KCNJ3: variants seen among roughly 807,000 people sequenced by gnomAD.
KCNJ3 encodes potassium inwardly rectifying channel subfamily J member 3.
Under a neutral mutation model 39.2 loss-of-function variants are expected in KCNJ3, and 4 were observed. That is an observed-to-expected ratio of 0.10 (90% CI 0.05 to 0.23). The LOEUF is 0.23. Among genes scored for constraint, KCNJ3 ranks in the 10% least tolerant of loss-of-function variants. KCNJ3 has a pLI of 1.00. For synonymous variants in KCNJ3, 230 were observed against 237.4 expected (o/e 0.97, Z 0.29); for missense variants, 276 against 634.9 (o/e 0.43, Z 6.08).
Position 154,751,004 on chromosome 2 carries a change from T to C in KCNJ3, c.919+41185T>C, listed in dbSNP as rs568955640. 4.3e-4 allele frequency among the ~76,000 whole-genome samples: 66 copies of C among 152,068 alleles called. 1 individual carries two copies. The South Asian group carries it at 0.013, about 30-fold the overall frequency. On this transcript the variant is annotated intron_variant, in intron 2 of 2. Coordinates refer to ENST00000295101, the MANE Select transcript of KCNJ3 (RefSeq NM_002239.4). The stretch of plus-strand genomic sequence containing the variant: ...CGTTATCTATATTGCTTTATAATAA[T>C]AACTTAAGGGTGAGGGATAAAAGAC...
Position 154,698,955 on chromosome 2 carries a change from G to A in KCNJ3, c.180G>A (p.Leu60=). 1.2e-6 allele frequency: 2 copies of A among 1,614,158 alleles called. No individual in the cohort carries two copies. Among genetic ancestry groups the A allele is most frequent in the Non-Finnish European group, 1.7e-6 (2 of 1,180,034 alleles). Residue 60 remains leucine, a synonymous_variant, in exon 1 of 3, where the codon CTG becomes CTA. Transcript: ENST00000295101. ...GGTGCAATGTACAGCACGGCAACCTGGGCAGCGAGACAAGCCGCTACCTCT... is the reference window on the plus strand; with the variant it reads ...GGTGCAATGTACAGCACGGCAACCTAGGCAGCGAGACAAGCCGCTACCTCT... The part of the protein sequence containing the change: ...NGRCNVQHGN[L]GSETSRYLSD...
At chr2:154,705,885 C>G (rs760488013) in intron 1 of KCNJ3, among the ~76,000 whole-genome samples, 12 of 152,004 alleles carry the variant, frequency 7.9e-5, no homozygotes, top group African/African-American at 2.9e-4. Flanking sequence ...GTGGAAAGAC[C>G]TTTATTTCCT....
chr2:154,821,964 A>AAT (rs1687190661), intron 2 of KCNJ3, among the ~76,000 whole-genome samples: 1 of 151,542 alleles, frequency 6.6e-6, no homozygotes, highest in Non-Finnish European at 1.5e-5. Flanking sequence ...TTTTTTTTTA[A>AAT]ATGTGCATCT....
At position 154,855,160 on chromosome 2, in the gene KCNJ3, G is replaced by C. The variant is rs1163440267; in HGVS notation, c.1353G>C (p.Leu451=). The part of the protein sequence containing the change: ...SSVPGNSEEK[L]VSKTTKMLSD... ...TTCCGGGCAACTCAGAAGAAAAACT[G>C]GTATCTAAAACCACCAAGATGTTAT... The change falls in exon 3 of 3, where the codon CTG becomes CTC. Residue 451 remains leucine, a synonymous_variant. Coordinates refer to ENST00000295101, the MANE Select transcript of KCNJ3 (RefSeq NM_002239.4). 6.2e-7 allele frequency: 1 copy of C among 1,613,722 alleles called. No individual in the cohort carries two copies. Among genetic ancestry groups the C allele is most frequent in the Admixed American group, 1.7e-5 (1 of 59,942 alleles).
chr2:154,734,173 T>C (rs975162359), intron 2 of KCNJ3, among the ~76,000 whole-genome samples: 1 of 152,206 alleles, frequency 6.6e-6, no homozygotes, highest in Non-Finnish European at 1.5e-5. Context: ...GAAAATTTGC[T>C]GAAGATACCT....
At chr2:154,776,432 C>T (rs1686337080) in intron 2 of KCNJ3, among the ~76,000 whole-genome samples, 1 of 152,032 alleles carries the variant, frequency 6.6e-6, no homozygotes, top group Non-Finnish European at 1.5e-5. Context: ...CATTATTGGC[C>T]ATCACAAAAT....
intron 2 of KCNJ3, among the ~76,000 whole-genome samples, chr2:154,793,523 A>C (rs2105211847): frequency 6.6e-6 from 1 of 152,192 alleles, no homozygotes. Flanking sequence ...GTATCAGAAA[A>C]GTGTGATTGC....
intron 2 of KCNJ3, among the ~76,000 whole-genome samples, chr2:154,768,656 T>G (rs1344718038): frequency 6.6e-6 from 1 of 152,178 alleles, no homozygotes; most frequent in Non-Finnish European, 1.5e-5. Context: ...CTTAGGATTG[T>G]CTTGGCAATG....
rs146088521 is a variant in KCNJ3, at chr2:154,728,554, C to T, written c.919+18735C>T. Among the ~76,000 whole-genome samples, 243 of 152,274 alleles carry T rather than the reference C, an allele frequency of 1.6e-3. 2 individuals are homozygous for T. Among genetic ancestry groups the T allele is most frequent in the African/African-American group, 5.7e-3 (237 of 41,544 alleles). ...TGGTTGATTCCTGGAAACACTGGAA[C>T]AAATCTGCCACCTTTAGTGAAAAAA... is the stretch of plus-strand genomic sequence containing the variant. On this transcript the variant is annotated intron_variant, in intron 2 of 2. Coordinates refer to ENST00000295101, the MANE Select transcript of KCNJ3 (RefSeq NM_002239.4).
chr2:154,832,316 C>A (rs1051731484), intron 2 of KCNJ3, among the ~76,000 whole-genome samples: 1 of 152,230 alleles, frequency 6.6e-6, no homozygotes, highest in Middle Eastern at 3.4e-3. Context: ...TAGTGAGAGT[C>A]CCTGAAGCTT....
At chr2:154,798,314 C>A (rs992948897) in intron 2 of KCNJ3, among the ~76,000 whole-genome samples, 25 of 151,892 alleles carry the variant, frequency 1.6e-4, no homozygotes, top group Non-Finnish European at 2.5e-4. Context: ...CTAGACTAAA[C>A]GTCCTATACC....
intron 2 of KCNJ3, among the ~76,000 whole-genome samples, chr2:154,720,561 G>GA (rs1685250548): frequency 6.6e-6 from 1 of 151,666 alleles, no homozygotes; most frequent in African/African-American, 2.4e-5. Context: ...ATTTAAGTTG[G>GA]AAAATGTCCT....
At position 154,800,500 on chromosome 2, in the gene KCNJ3, T is replaced by TTTC. The variant is rs571146203; in HGVS notation, c.920-54224_920-54222dup. 3.1e-3 allele frequency among the ~76,000 whole-genome samples: 475 copies of TTTC among 152,298 alleles called. 3 individuals carry two copies. Among genetic ancestry groups the TTTC allele is most frequent in the African/African-American group, 0.011 (460 of 41,572 alleles). On this transcript the variant is annotated intron_variant, in intron 2 of 2. Transcript: ENST00000295101. The stretch of plus-strand genomic sequence containing the variant: ...TTCTTGTAGTTTTTCTTCCAGTGAC[T>TTTC]TTCTTTATTTTCAGAGCACTTATGT...
At chr2:154,753,698 G>T (rs1311429432) in intron 2 of KCNJ3, among the ~76,000 whole-genome samples, 4 of 109,162 alleles carry the variant, frequency 3.7e-5, no homozygotes, top group African/African-American at 1.2e-4. Flanking sequence ...AGGTAATGCA[G>T]GTGTTGGGAA....
In KCNJ3 at chr2:154,855,915, T is replaced by C. The variant is rs1253837130; in HGVS notation, c.*602T>C. On this transcript the variant is annotated 3_prime_UTR_variant, in exon 3 of 3. Coordinates refer to ENST00000295101, the MANE Select transcript of KCNJ3 (RefSeq NM_002239.4). Reference sequence around the variant, plus strand: ...CATTAATTATTAATACCAAATATTTTAGCCTTAAATTTTTGTCATTTTAAA... The same window carrying C: ...CATTAATTATTAATACCAAATATTTCAGCCTTAAATTTTTGTCATTTTAAA... 3 of 152,472 alleles carry C rather than the reference T, an allele frequency of 2.0e-5. No homozygotes were observed. The highest frequency in any genetic ancestry group is 7.2e-5 in the African/African-American group (3 of 41,442). The allele number at this position is 152,472 out of a possible 1,614,324, so 9.4% of individuals were successfully genotyped here. A position where few individuals can be genotyped will look rare whatever the true frequency, so the allele number is the denominator to read the frequency against.
intron 2 of KCNJ3, among the ~76,000 whole-genome samples, chr2:154,811,855 C>T (rs551003718): frequency 1.3e-5 from 2 of 152,156 alleles, no homozygotes; most frequent in Admixed American, 1.3e-4. Context: ...ATTTAATACA[C>T]TAACCTTGGA....
chr2:154,850,006 A>ATTTT (rs1317461472), intron 2 of KCNJ3, among the ~76,000 whole-genome samples: 2 of 52,942 alleles, frequency 3.8e-5, no homozygotes, highest in Admixed American at 2.7e-4. Flanking sequence ...TACAGAATAA[A>ATTTT]TCTTTTTTTT....
intron 2 of KCNJ3, 49 bp from the exon 3 acceptor site, chr2:154,854,678 T>A: frequency 7.1e-7 from 1 of 1,415,192 alleles, no homozygotes; most frequent in Non-Finnish European, 9.7e-7. Flanking sequence ...CGGCTTTACA[T>A]GTGCTTCCAC....
intron 2 of KCNJ3, among the ~76,000 whole-genome samples, chr2:154,822,318 TTTTTTAA>T (rs1687199642): frequency 6.6e-6 from 1 of 152,166 alleles, no homozygotes. Context: ...ATACTTTCTA[TTTTTTAA>T]CTGTGTGCCT....
Sources: gnomAD v4.1 joint callset for allele counts (sites outside exome capture counted in the v4.1 genomes callset) on GRCh38, gnomAD v4.1.1 for gene constraint, MANE v1.5 for transcripts, NCBI Gene and HGNC (gene_info 2026-07-23, HGNC 2026-07-21) for gene names.